SAT1: variants seen among roughly 807,000 people sequenced by gnomAD.
SAT1 encodes diamine acetyltransferase 1.
In SAT1, 1 loss-of-function variant was observed where a neutral mutation model predicts 14.7. The ratio of observed to expected loss-of-function variants is 0.07; its 90% CI spans 0.02 to 0.32. The LOEUF (loss-of-function observed/expected upper bound fraction) is 0.32, where lower values mean the gene tolerates loss of function less well. SAT1 is among the 10% of genes least tolerant of loss of function. The pLI, the probability that SAT1 is intolerant of heterozygous loss-of-function variation, is 1.00. For synonymous variants in SAT1, 67 were observed against 46.1 expected (o/e 1.45, Z -1.84); for missense variants, 77 against 129.1 (o/e 0.60, Z 1.96).
chrX:23,783,694 A>G lies in SAT1; in HGVS notation c.103A>G (p.Ile35Val), dbSNP rs145594541. Residue 35 changes from isoleucine (I) to valine (V), a missense_variant, in exon 2 of 6, where the codon ATC becomes GTC. Physicochemically the swap from Ile to Val is conservative, Grantham distance 29. Transcript: ENST00000379270. ...AKYEYMEEQV[I>V]LTEKDLLEDG... ...ATATGAATACATGGAAGAACAAGTA[A>G]TCTTAACTGAAAAAGGTAATTCAAC... is the stretch of plus-strand genomic sequence containing the variant. 23 of 1,206,532 alleles carry G rather than the reference A, an allele frequency of 1.9e-5. No individual in the cohort carries two copies. The African/African-American group carries it at 3.7e-4, about 19-fold the overall frequency.
At chrX:23,783,610 G>C (rs1236891750) in intron 1 of SAT1, 48 bp from the exon 2 acceptor site, 2 of 1,067,432 alleles carry the variant, frequency 1.9e-6, no homozygotes, top group African/African-American at 1.9e-5. Context: ...CCGGGCCGGA[G>C]CCTCATTTTG....
intron 5 of SAT1, 56 bp downstream of exon 5, chrX:23,785,616 T>C (rs1251696044): frequency 8.5e-7 from 1 of 1,182,369 alleles, no homozygotes; most frequent in Admixed American, 2.2e-5. Context: ...ATTTTAATGA[T>C]GGAATAAAAA....
At position 23,783,661 on chromosome X, in the gene SAT1, C is replaced by T. The variant is rs6629746; in HGVS notation, c.70C>T (p.Leu24=). 31 of 1,188,722 alleles carry T rather than the reference C, an allele frequency of 2.6e-5. No homozygotes were observed. In the East Asian group the frequency reaches 6.9e-4, roughly 26 times the overall value. Residue 24 remains leucine, a synonymous_variant, in exon 2 of 6, where the codon CTG becomes TTG. Transcript: ENST00000379270. The part of the protein sequence containing the change: ...CSDILRLIKE[L]AKYEYMEEQV... ...TCTCCTATGTGCATCCCCCCAGGAG[C>T]TGGCTAAATATGAATACATGGAAGA...
chrX:23,785,010 T>C (rs1406632390), intron 3 of SAT1: 1 of 288,527 alleles, frequency 3.5e-6, no homozygotes, highest in East Asian at 6.5e-5. Context: ...GCAGTTTTGC[T>C]CTGGCAAGTA....
intron 1 of SAT1, 90 bp downstream of exon 1, chrX:23,783,507 C>A: frequency 2.1e-6 from 2 of 971,232 alleles, no homozygotes; most frequent in Non-Finnish European, 2.8e-6. Context: ...AGGTCTCGGC[C>A]GGTGTGAGAG....
chrX:23,783,819 T>C lies in SAT1; in HGVS notation c.138T>C (p.Phe46=), dbSNP rs778288207. ...LTEKDLLEDG[F]GEHPFYHCLV... is the part of the protein sequence containing the mutation. ...TTGCAGATCTGCTAGAAGATGGTTT[T>C]GGAGAGCACCCCTTTTACCACTGCC... Residue 46 remains phenylalanine (F), a synonymous_variant, in exon 3 of 6, where the codon TTT becomes TTC. Coordinates refer to ENST00000379270, the MANE Select transcript of SAT1 (RefSeq NM_002970.4). The C allele has an allele frequency of 4.1e-6, 5 of 1,211,643 alleles. No individual in the cohort carries two copies. The highest frequency in any genetic ancestry group is 1.8e-5 in the South Asian group (1 of 56,988).
Position 23,783,429 on chromosome X carries a change from C to T in SAT1, c.66+12C>T. The T allele has an allele frequency of 8.3e-7, 1 of 1,198,351 alleles. No individual in the cohort carries two copies. Among genetic ancestry groups the T allele is most frequent in the Non-Finnish European group, 1.1e-6 (1 of 884,245 alleles). ...TGCGGCTGATCAAGGTAGCGGAGAGCCAGAGCTCCTCCCGGGGCGTGGGGT... is the reference window on the plus strand; with the variant it reads ...TGCGGCTGATCAAGGTAGCGGAGAGTCAGAGCTCCTCCCGGGGCGTGGGGT... On this transcript the variant is annotated intron_variant, in intron 1 of 5. Transcript: ENST00000379270.
chrX:23,784,058 A>C, intron 3 of SAT1, 175 bp downstream of exon 3: 1 of 1,123,861 alleles, frequency 8.9e-7, no homozygotes, highest in Non-Finnish European at 1.2e-6. Context: ...TGCTGCACTT[A>C]AGAATACTAG....
At position 23,783,216 on chromosome X, in the gene SAT1, C is replaced by T; in HGVS notation, c.-136C>T. ...GGCCGACTGGTGTTTATCCGTCACT[C>T]GCCGAGGTTCCTTGGGTCATGGTGC... On this transcript the variant is annotated 5_prime_UTR_variant, in exon 1 of 6. Transcript: ENST00000379270. 2 of 553,476 alleles carry T rather than the reference C, an allele frequency of 3.6e-6. No homozygotes were observed. The highest frequency in any genetic ancestry group is 3.6e-5 in the East Asian group (1 of 27,776). The allele number at this position is 553,476 out of a possible 1,213,427, so 45.6% of individuals were successfully genotyped here.
In SAT1 at chrX:23,783,379, A is replaced by T; in HGVS notation, c.28A>T (p.Thr10Ser). The T allele has an allele frequency of 1.7e-6, 2 of 1,211,106 alleles. No homozygotes were observed. Among genetic ancestry groups the T allele is most frequent in the Non-Finnish European group, 2.2e-6 (2 of 894,916 alleles). The change falls in exon 1 of 6, where the codon ACT (threonine) becomes TCT (serine). Residue 10 changes from threonine (T) to serine (S), a missense_variant. Thr to Ser is a moderately conservative substitution (Grantham distance 58). Coordinates refer to ENST00000379270, the MANE Select transcript of SAT1 (RefSeq NM_002970.4). The stretch of plus-strand genomic sequence containing the variant: ...GGCTAAATTCGTGATCCGCCCAGCC[A>T]CTGCCGCCGACTGCAGTGACATACT... MAKFVIRPA[T>S]AADCSDILRL...
chrX:23,783,264 C>A lies in SAT1; in HGVS notation c.-88C>A. Reference sequence around the variant, plus strand: ...TGCCAGCCTGACTGAGAAGAGGACGCTCCCGGGAGACGAATGAGGAACCAC... The same window carrying A: ...TGCCAGCCTGACTGAGAAGAGGACGATCCCGGGAGACGAATGAGGAACCAC... On this transcript the variant is annotated 5_prime_UTR_variant, in exon 1 of 6. Coordinates refer to ENST00000379270, the MANE Select transcript of SAT1 (RefSeq NM_002970.4). 1 of 914,041 alleles carries A rather than the reference C, an allele frequency of 1.1e-6. No homozygotes were observed. Among genetic ancestry groups the A allele is most frequent in the Non-Finnish European group, 1.6e-6 (1 of 632,030 alleles). The allele number at this position is 914,041 out of a possible 1,213,427, so 75.3% of individuals were successfully genotyped here.
At chrX:23,785,195 C>A in intron 3 of SAT1, 133 bp from the exon 4 acceptor site, 1 of 511,554 alleles carries the variant, frequency 2.0e-6, no homozygotes, top group Non-Finnish European at 3.4e-6. Context: ...AATCATGAGA[C>A]AGCCATGGCT....
chrX:23,783,755 C>T (rs771451420), intron 2 of SAT1, 45 bp from the exon 3 acceptor site: 1 of 1,209,802 alleles, frequency 8.3e-7, no homozygotes, highest in Non-Finnish European at 1.1e-6. Flanking sequence ...CGGTGCCTGT[C>T]ACCTTCGCCA....
Position 23,783,196 on chromosome X carries a change from A to C in SAT1, c.-156A>C. ...ATGCGCAGCTCTTAGTCGCGGGCCG[A>C]CTGGTGTTTATCCGTCACTCGCCGA... On this transcript the variant is annotated 5_prime_UTR_variant, in exon 1 of 6. Transcript: ENST00000379270. 2.0e-6 allele frequency: 1 copy of C among 498,211 alleles called. No individual in the cohort carries two copies. Among genetic ancestry groups the C allele is most frequent in the Non-Finnish European group, 3.6e-6 (1 of 278,473 alleles). 41.1% of individuals were successfully genotyped at this position (498,211 alleles called of 1,213,427 possible).
intron 3 of SAT1, 146 bp downstream of exon 3, chrX:23,784,029 GAA>G (rs372110787): frequency 5.5e-6 from 5 of 915,579 alleles, no homozygotes; most frequent in Admixed American, 4.1e-5. Flanking sequence ...AACTACTGAG[GAA>G]AAAAAAAAAT....
Position 23,785,928 on chromosome X carries a change from T to C in SAT1, c.*72T>C. On this transcript the variant is annotated 3_prime_UTR_variant, in exon 6 of 6. Transcript: ENST00000379270. Reference sequence around the variant, plus strand: ...TCCCAACTTCTCTTGCTTTCTATGCTGTTTGTAGTGAAATAATAGAATGAG... The same window carrying C: ...TCCCAACTTCTCTTGCTTTCTATGCCGTTTGTAGTGAAATAATAGAATGAG... 1 of 911,148 alleles carries C rather than the reference T, an allele frequency of 1.1e-6. No homozygotes were observed. The highest frequency in any genetic ancestry group is 2.0e-5 in the African/African-American group (1 of 50,821). The allele number at this position is 911,148 out of a possible 1,213,427, so 75.1% of individuals were successfully genotyped here.
intron 1 of SAT1, 81 bp from the exon 2 acceptor site, chrX:23,783,577 C>CCCAAAA: frequency 4.0e-6 from 3 of 750,197 alleles, no homozygotes; most frequent in Non-Finnish European, 5.8e-6. Context: ...GCCCGCCCGC[C>CCCAAAA]CCATTCCGTT....
intron 5 of SAT1, 31 bp downstream of exon 5, chrX:23,785,591 T>G: frequency 8.4e-7 from 1 of 1,192,185 alleles, no homozygotes; most frequent in South Asian, 1.8e-5. Flanking sequence ...TCCAAATTTG[T>G]AAGTTTACTG....
chrX:23,785,022 T>C (rs1302256202), intron 3 of SAT1: 2 of 308,501 alleles, frequency 6.5e-6, no homozygotes, highest in East Asian at 5.9e-5. Context: ...TGGCAAGTAA[T>C]GAAAGCGTTC....
Sources: allele counts gnomAD v4.1 joint callset, GRCh38; gene constraint gnomAD v4.1.1; transcripts MANE v1.5; gene names NCBI Gene and HGNC (gene_info 2026-07-23, HGNC 2026-07-21).